The following FNDC3B variants were observed in gnomAD, a reference collection of about 807,000 sequenced individuals.
The protein encoded by FNDC3B is fibronectin type III domain containing 3B.
FNDC3B carries 12 observed loss-of-function variants against 151.5 expected under a neutral mutation model. The ratio of observed to expected loss-of-function variants is 0.08; its 90% confidence interval spans 0.05 to 0.13. The LOEUF (loss-of-function observed/expected upper bound fraction) is 0.13. Ranked by LOEUF, FNDC3B falls within the 10% of genes least tolerant of loss-of-function variation. The pLI is 1.00. For synonymous variants in FNDC3B, 528 were observed against 549.0 expected (o/e 0.96, Z 0.54); for missense variants, 1,214 against 1,505.3 (o/e 0.81, Z 3.20).
rs534436007 is a variant in FNDC3B, at chr3:172,316,158, C to A, written c.1254+5277C>A. On this transcript the variant is annotated intron_variant, in intron 11 of 25. Transcript: ENST00000415807. The stretch of plus-strand genomic sequence containing the variant: ...GAGCAGCTGAGATTACAGGCGTCTG[C>A]CACCACACCCAGCTAATTTTTATAT... Among the ~76,000 whole-genome samples the A allele has an allele frequency of 2.4e-4, 36 of 152,096 alleles. 1 individual carries two copies. The East Asian group carries it at 2.7e-3, about 11-fold the overall frequency.
chr3:172,200,481 A>G (rs1366606805), intron 3 of FNDC3B, among the ~76,000 whole-genome samples: 1 of 152,224 alleles, frequency 6.6e-6, no homozygotes, highest in East Asian at 1.9e-4. Flanking sequence ...TACCCGTGCA[A>G]ACCATTCTGT....
chr3:172,126,726 G>C (rs867773893), intron 2 of FNDC3B, among the ~76,000 whole-genome samples: 1 of 152,200 alleles, frequency 6.6e-6, no homozygotes, highest in Non-Finnish European at 1.5e-5. Context: ...TGAGAGGGCA[G>C]CTTGTGGGTC....
intron 6 of FNDC3B, among the ~76,000 whole-genome samples, chr3:172,255,885 C>T (rs535643155): frequency 1.1e-4 from 17 of 152,288 alleles, no homozygotes; most frequent in African/African-American, 3.8e-4. Flanking sequence ...TTCTCATGGT[C>T]CCTGGTGTCT....
intron 11 of FNDC3B, among the ~76,000 whole-genome samples, chr3:172,325,597 G>C (rs1280384061): frequency 6.6e-6 from 1 of 152,136 alleles, no homozygotes; most frequent in Non-Finnish European, 1.5e-5. Context: ...TTTATGAACA[G>C]ATTCTCCAAA....
At chr3:172,380,893 A>G (rs1428463260) in intron 24 of FNDC3B, 73 bp from the exon 25 acceptor site, 1 of 1,537,684 alleles carries the variant, frequency 6.5e-7, no homozygotes, top group Non-Finnish European at 8.9e-7. Flanking sequence ...GGTTCTCACT[A>G]ATAGTGCTAA....
At chr3:172,355,516 A>T (rs906361320) in intron 22 of FNDC3B, among the ~76,000 whole-genome samples, 4 of 151,086 alleles carry the variant, frequency 2.6e-5, no homozygotes, top group Non-Finnish European at 5.9e-5. Context: ...TAGAAAATCT[A>T]GGGGGGGGGC....
At chr3:172,139,047 C>A (rs1000381364) in intron 3 of FNDC3B, among the ~76,000 whole-genome samples, 1 of 152,204 alleles carries the variant, frequency 6.6e-6, no homozygotes, top group Non-Finnish European at 1.5e-5. Context: ...GAGCTGTTCA[C>A]CATTTCTGAA....
intron 1 of FNDC3B, among the ~76,000 whole-genome samples, chr3:172,042,161 G>A (rs1019719197): frequency 3.9e-5 from 6 of 152,186 alleles, no homozygotes; most frequent in Non-Finnish European, 7.3e-5. Flanking sequence ...GGAGGTTGTA[G>A]CTTCTAATTA....
chr3:172,221,200 A>T (rs557903671), intron 3 of FNDC3B, among the ~76,000 whole-genome samples: 1 of 151,754 alleles, frequency 6.6e-6, no homozygotes, highest in South Asian at 2.1e-4. Flanking sequence ...GATCTTTGAG[A>T]TTTTCTATAC....
chr3:172,241,860 A>G (rs933737646), intron 4 of FNDC3B, among the ~76,000 whole-genome samples: 3 of 152,232 alleles, frequency 2.0e-5, no homozygotes, highest in Admixed American at 6.5e-5. Context: ...GCATTAACTC[A>G]AAAGTCCACA....
At chr3:172,328,865 A>G in intron 11 of FNDC3B, 87 bp from the exon 12 acceptor site, 2 of 1,009,736 alleles carry the variant, frequency 2.0e-6, no homozygotes, top group Non-Finnish European at 2.8e-6. Flanking sequence ...GTTATTCAAG[A>G]TGTTCAAGAT....
chr3:172,366,433 T>G (rs759388901), intron 23 of FNDC3B, among the ~76,000 whole-genome samples: 7 of 152,244 alleles, frequency 4.6e-5, no homozygotes, highest in Non-Finnish European at 1.0e-4. Context: ...AAGGGAAATA[T>G]TTTCTAGAAA....
intron 3 of FNDC3B, among the ~76,000 whole-genome samples, chr3:172,171,187 C>G (rs1723263000): frequency 6.6e-6 from 1 of 152,182 alleles, no homozygotes; most frequent in South Asian, 2.1e-4. Flanking sequence ...AACAAAGCAA[C>G]ATGCCAGACA....
intron 3 of FNDC3B, among the ~76,000 whole-genome samples, chr3:172,168,132 A>G (rs1331652933): frequency 1.3e-5 from 2 of 152,246 alleles, no homozygotes; most frequent in Non-Finnish European, 2.9e-5. Context: ...AATAAATCTT[A>G]TGTATGCACT....
chr3:172,376,102 C>A (rs1384069391), intron 23 of FNDC3B, among the ~76,000 whole-genome samples: 2 of 152,076 alleles, frequency 1.3e-5, no homozygotes, highest in Admixed American at 1.3e-4. Context: ...CTATGTTTTT[C>A]ATAAATTGGA....
At chr3:172,141,049 A>G (rs112361223) in intron 3 of FNDC3B, among the ~76,000 whole-genome samples, 89 of 152,266 alleles carry the variant, frequency 5.8e-4, no homozygotes, top group African/African-American at 1.7e-3. Flanking sequence ...GGGAACAATG[A>G]TAGTACCTAT....
rs555398224 is a variant in FNDC3B, at chr3:172,204,306, A to C, written c.188-22565A>C. On this transcript the variant is annotated intron_variant, in intron 3 of 25. Coordinates refer to ENST00000415807, the MANE Select transcript of FNDC3B (RefSeq NM_022763.4). The stretch of plus-strand genomic sequence containing the variant: ...GAGAGTGAGAAAAGAGCAGAGAAAA[A>C]GGAATAAAGAGACAGCCCCATTGAA... Among the ~76,000 whole-genome samples the C allele has an allele frequency of 9.6e-4, 146 of 152,234 alleles. 1 individual carries two copies. The highest frequency in any genetic ancestry group is 1.8e-3 in the Non-Finnish European group (124 of 68,038).
At position 172,346,474 on chromosome 3, in the gene FNDC3B, T is replaced by G. The variant is rs372483054; in HGVS notation, c.2364+34T>G. The G allele has an allele frequency of 2.3e-5, 30 of 1,303,418 alleles. No homozygotes were observed. The African/African-American group carries it at 4.1e-4, about 18-fold the overall frequency. The allele number at this position is 1,303,418 out of a possible 1,614,324, so 80.7% of individuals were successfully genotyped here. A position where few individuals can be genotyped will look rare whatever the true frequency, so the allele number is the denominator to read the frequency against. On this transcript the variant is annotated intron_variant, in intron 20 of 25. Transcript: ENST00000415807. ...GGCATATTCTGCATCAACTTCTGTT[T>G]CTTCTACTTTACTCCCAAATACAAA... is the stretch of plus-strand genomic sequence containing the variant.
intron 11 of FNDC3B, among the ~76,000 whole-genome samples, chr3:172,326,748 T>G (rs1732368312): frequency 6.6e-6 from 1 of 152,208 alleles, no homozygotes; most frequent in Non-Finnish European, 1.5e-5. Flanking sequence ...TTTTCTCGTT[T>G]GAGCCACAAA....
Sources: gnomAD v4.1 joint callset for allele counts (sites outside exome capture counted in the v4.1 genomes callset) on GRCh38, gnomAD v4.1.1 for gene constraint, MANE v1.5 for transcripts, NCBI Gene and HGNC (gene_info 2026-07-23, HGNC 2026-07-21) for gene names.